The following SEPTIN6 variants were observed in gnomAD, a reference collection of about 807,000 sequenced individuals.
The protein encoded by SEPTIN6 is septin-6.
Under a neutral mutation model 33.6 loss-of-function variants are expected in SEPTIN6, and 8 were observed. That is an observed-to-expected ratio of 0.24 (90% CI 0.14 to 0.43). The LOEUF is 0.43. Among genes scored for constraint, SEPTIN6 ranks in the 20% least tolerant of loss-of-function variants. The probability of loss-of-function intolerance (pLI) is 1.00; values close to 1 mark genes in which losing one functional copy is unlikely to be tolerated. For synonymous variants in SEPTIN6, 131 were observed against 140.0 expected (o/e 0.94, Z 0.45); for missense variants, 250 against 340.8 (o/e 0.73, Z 2.10).
In SEPTIN6 at chrX:119,664,098, C is replaced by T. The variant is rs758754358; in HGVS notation, c.146-421G>A. ...TCCCGGGTTCAAGCGATTCTCCTAC[C>T]TCAGCCTCCCGAGTAGCTGGGATTA... On this transcript the variant is annotated intron_variant, in intron 2 of 10. Coordinates refer to ENST00000394610, the MANE Select transcript of SEPTIN6 (RefSeq NM_145799.4). 2.7e-5 allele frequency among the ~76,000 whole-genome samples: 3 copies of T among 110,675 alleles called. No individual in the cohort carries two copies. The South Asian group carries it at 1.1e-3, about 42-fold the overall frequency.
At position 119,617,378 on chromosome X, in the gene SEPTIN6, G is replaced by T. The variant is rs1206000398; in HGVS notation, c.*2715C>A. ...TAGGTTGATCAACTTTTTAATTTAT[G>T]TTCACTCATGGGTTCGATTTTTGTT... is the stretch of plus-strand genomic sequence containing the variant. On this transcript the variant is annotated 3_prime_UTR_variant, in exon 11 of 11. Transcript: ENST00000394610. 6 of 801,562 alleles carry T rather than the reference G, an allele frequency of 7.5e-6. No homozygotes were observed. Among genetic ancestry groups the T allele is most frequent in the Non-Finnish European group, 9.0e-6 (6 of 669,382 alleles). The allele number at this position is 801,562 out of a possible 1,213,427, so 66.1% of individuals were successfully genotyped here.
intron 6 of SEPTIN6, 77 bp from the exon 7 acceptor site, chrX:119,637,272 G>A (rs1012475193): frequency 3.1e-5 from 29 of 950,591 alleles, no homozygotes; most frequent in Non-Finnish European, 3.9e-5. Flanking sequence ...GAAACGAGAG[G>A]CAAAATGTCT....
intron 8 of SEPTIN6, among the ~76,000 whole-genome samples, chrX:119,632,587 T>A (rs1250570945): frequency 1.8e-5 from 2 of 109,877 alleles, no homozygotes; most frequent in African/African-American, 6.6e-5. Context: ...GTGTGACAGG[T>A]TAAATGTGGA....
intron 4 of SEPTIN6, among the ~76,000 whole-genome samples, chrX:119,650,353 T>C (rs934917981): frequency 1.8e-5 from 2 of 112,347 alleles, no homozygotes; most frequent in East Asian, 5.5e-4. Flanking sequence ...TACTACTATT[T>C]TGCCAATGAG....
At chrX:119,653,515 C>A (rs1246280695) in intron 3 of SEPTIN6, among the ~76,000 whole-genome samples, 2 of 112,597 alleles carry the variant, frequency 1.8e-5, no homozygotes, top group African/African-American at 6.5e-5. Flanking sequence ...CAGCATGGAG[C>A]CCACTGGCTG....
intron 10 of SEPTIN6, among the ~76,000 whole-genome samples, 158 bp downstream of exon 10, chrX:119,625,177 A>G (rs2053840060): frequency 8.9e-6 from 1 of 111,772 alleles, no homozygotes; most frequent in Non-Finnish European, 1.9e-5. Flanking sequence ...CTGAAACCAC[A>G]CCAGACTATT....
At position 119,629,134 on chromosome X, in the gene SEPTIN6, A is replaced by C. The variant is rs2053912462; in HGVS notation, c.1280+184T>G. ...ACCCCTCTGCTACTCTCAACTCCCCAAGCTCAGGGAATCCAAAGGTGCCAC... is the reference window on the plus strand; with the variant it reads ...ACCCCTCTGCTACTCTCAACTCCCCCAGCTCAGGGAATCCAAAGGTGCCAC... On this transcript the variant is annotated intron_variant, in intron 9 of 10. Transcript: ENST00000394610. 4 of 436,144 alleles carry C rather than the reference A, an allele frequency of 9.2e-6. No homozygotes were observed. In the Admixed American group the frequency reaches 1.2e-4, roughly 13 times the overall value. The allele number at this position is 436,144 out of a possible 1,213,427, so 35.9% of individuals were successfully genotyped here. A position where few individuals can be genotyped will look rare whatever the true frequency, so the allele number is the denominator to read the frequency against.
rs1265403521 is a variant in SEPTIN6, at chrX:119,668,877, C to T, written c.146-5200G>A. ...TGGTGATTTGTGAGATTTTGATGCA[C>T]CCATCTCCTGAGCAGTATACACTGA... On this transcript the variant is annotated intron_variant, in intron 2 of 10. Transcript: ENST00000394610. Among the ~76,000 whole-genome samples, 4 of 111,218 alleles carry T rather than the reference C, an allele frequency of 3.6e-5. 1 individual carries two copies. In the East Asian group the frequency reaches 1.1e-3, roughly 31 times the overall value.
At position 119,618,846 on chromosome X, in the gene SEPTIN6, A is replaced by G; in HGVS notation, c.*1247T>C. On this transcript the variant is annotated 3_prime_UTR_variant, in exon 11 of 11. Coordinates refer to ENST00000394610, the MANE Select transcript of SEPTIN6 (RefSeq NM_145799.4). The stretch of plus-strand genomic sequence containing the variant: ...CACAGATCATTGCCAGGTCAACTCC[A>G]TCTCTCACACTGTCACTGGCCAAAC... 1 of 1,205,776 alleles carries G rather than the reference A, an allele frequency of 8.3e-7. No homozygotes were observed.
intron 3 of SEPTIN6, among the ~76,000 whole-genome samples, chrX:119,659,986 C>A (rs922221557): frequency 4.5e-5 from 5 of 112,252 alleles, no homozygotes; most frequent in African/African-American, 1.6e-4. Context: ...AATTCTTGTG[C>A]CTCAGCCTCC....
intron 3 of SEPTIN6, among the ~76,000 whole-genome samples, chrX:119,655,136 A>C (rs2054417985): frequency 9.1e-6 from 1 of 110,279 alleles, no homozygotes; most frequent in Admixed American, 9.8e-5. Flanking sequence ...ATCTGTAGTG[A>C]TACCCTGTGC....
chrX:119,637,758 C>T (rs371957492), intron 6 of SEPTIN6, among the ~76,000 whole-genome samples: 77 of 112,170 alleles, frequency 6.9e-4, no homozygotes, highest in African/African-American at 2.4e-3. Flanking sequence ...AATTCAGAAA[C>T]GAAGTGATGG....
At chrX:119,658,563 G>A (rs940281111) in intron 3 of SEPTIN6, among the ~76,000 whole-genome samples, 1 of 112,026 alleles carries the variant, frequency 8.9e-6, no homozygotes, top group Non-Finnish European at 1.9e-5. Context: ...TTAAAAGGTG[G>A]AACTGCTGGG....
At chrX:119,616,765 A>G, downstream of SEPTIN6, 2 of 1,173,107 alleles carry the variant, frequency 1.7e-6, no homozygotes, top group Non-Finnish European at 2.3e-6. Context: ...GAGAAAGAGA[A>G]AGAAAACATG....
At position 119,629,521 on chromosome X, in the gene SEPTIN6, C is replaced by T; in HGVS notation, c.1090-13G>A. 1 of 1,206,562 alleles carries T rather than the reference C, an allele frequency of 8.3e-7. No homozygotes were observed. Among genetic ancestry groups the T allele is most frequent in the Non-Finnish European group, 1.1e-6 (1 of 891,594 alleles). ...ACTTCTCGTGCAGCTGGCAGGGAAG[C>T]ACAGGGAGATTGGAGAGAATCCCCT... On this transcript the variant is annotated splice_polypyrimidine_tract_variant and intron_variant, in intron 8 of 10. Coordinates refer to ENST00000394610, the MANE Select transcript of SEPTIN6 (RefSeq NM_145799.4).
chrX:119,624,144 G>GTTTTTTTTTTTTTTTTTTT, intron 10 of SEPTIN6: 1 of 211,645 alleles, frequency 4.7e-6, no homozygotes, highest in East Asian at 1.2e-4. Context: ...TTTATTATGG[G>GTTTTTTTTTTTTTTTTTTT]TTTTTTTTTT....
At chrX:119,679,138 T>G (rs2054902609) in intron 1 of SEPTIN6, among the ~76,000 whole-genome samples, 1 of 110,759 alleles carries the variant, frequency 9.0e-6, no homozygotes, top group Non-Finnish European at 1.9e-5. Flanking sequence ...GATGGGGTTT[T>G]GCCATGTTGG....
intron 1 of SEPTIN6, among the ~76,000 whole-genome samples, chrX:119,679,707 A>T (rs1456505764): frequency 9.0e-6 from 1 of 110,614 alleles, no homozygotes; most frequent in Non-Finnish European, 1.9e-5. Context: ...AAAATACAAA[A>T]ATTAGCCGGG....
At position 119,689,871 on chromosome X, in the gene SEPTIN6, C is replaced by T. The variant is rs756642923; in HGVS notation, c.30+3205G>A. Among the ~76,000 whole-genome samples the T allele has an allele frequency of 2.5e-4, 27 of 109,976 alleles. No individual in the cohort carries two copies. In the South Asian group the frequency reaches 3.5e-3, roughly 14 times the overall value. ...TCAGCCTCCTGAGTAGCTGTGATTA[C>T]AGGCACGCACCACCACGCCTGGCTA... On this transcript the variant is annotated intron_variant, in intron 1 of 10. Coordinates refer to ENST00000394610, the MANE Select transcript of SEPTIN6 (RefSeq NM_145799.4).
Sources: gnomAD v4.1 joint callset for allele counts (sites outside exome capture counted in the v4.1 genomes callset) on GRCh38, gnomAD v4.1.1 for gene constraint, MANE v1.5 for transcripts, NCBI Gene and HGNC (gene_info 2026-07-23, HGNC 2026-07-21) for gene names.